BFSP2: variants seen among roughly 807,000 people sequenced by gnomAD.
BFSP2 encodes phakinin.
Under a neutral mutation model 44.9 loss-of-function variants are expected in BFSP2, and 38 were observed. That is an observed-to-expected ratio of 0.85 (90% CI 0.65 to 1.11). The LOEUF (loss-of-function observed/expected upper bound fraction) is 1.11, where lower values mean the gene tolerates loss of function less well. BFSP2 is among the 50% of genes least tolerant of loss of function. The pLI is 0.00. For synonymous variants in BFSP2, 197 were observed against 209.9 expected, an observed-to-expected ratio of 0.94 and a Z score of 0.53; for missense variants, 525 against 533.0, an observed-to-expected ratio of 0.99 and a Z score of 0.15.
chr3:133,454,430 C>G (rs961269358), intron 4 of BFSP2, among the ~76,000 whole-genome samples: 1 of 152,200 alleles, frequency 6.6e-6, no homozygotes, highest in African/African-American at 2.4e-5. Flanking sequence ...CAAACACCAA[C>G]TGAGTGTCCT....
intron 4 of BFSP2, among the ~76,000 whole-genome samples, chr3:133,463,422 G>C (rs920238077): frequency 5.3e-5 from 8 of 152,216 alleles, no homozygotes; most frequent in Admixed American, 2.0e-4. Context: ...CTTTTGACTT[G>C]GGGATTTATA....
chr3:133,467,304 G>C (rs2859683), intron 5 of BFSP2, among the ~76,000 whole-genome samples: 133,008 of 152,256 alleles, frequency 0.87, 58,310 homozygotes, highest in East Asian at 0.91. Flanking sequence ...TGCCCCCCAA[G>C]GCTCAGCCAG....
chr3:133,472,952 T>C (rs961962917), intron 6 of BFSP2, among the ~76,000 whole-genome samples: 1 of 132,938 alleles, frequency 7.5e-6, no homozygotes, highest in Admixed American at 7.2e-5. Flanking sequence ...CCTGCGCATC[T>C]TTTTTTTTTT....
intron 1 of BFSP2, among the ~76,000 whole-genome samples, chr3:133,425,985 CAGGGCAGGGCAGGGCAGGGAAAGGAAGGG>C (rs2073649800): frequency 6.4e-3 from 7 of 1,102 alleles, no homozygotes; most frequent in African/African-American, 0.015. Context: ...GAGGGGAAGG[CAGGGCAGGGCAGGGCAGGGAAAGGAAGGG>C]AAGGGAAGGG....
chr3:133,437,133 G>T (rs899222471), intron 1 of BFSP2, among the ~76,000 whole-genome samples: 1 of 152,168 alleles, frequency 6.6e-6, no homozygotes, highest in Non-Finnish European at 1.5e-5. Context: ...TAATGGGATG[G>T]CTGGGTCAAA....
intron 4 of BFSP2, among the ~76,000 whole-genome samples, chr3:133,453,906 C>T (rs77890488): frequency 0.028 from 4,277 of 152,336 alleles, 126 homozygotes; most frequent in South Asian, 0.09. Context: ...GTGCAGTATT[C>T]ATATTCTTTC....
At chr3:133,451,202 C>T (rs2073962222) in intron 4 of BFSP2, among the ~76,000 whole-genome samples, 1 of 150,284 alleles carries the variant, frequency 6.7e-6, no homozygotes, top group African/African-American at 2.4e-5. Flanking sequence ...AAAAAACATA[C>T]ACATTTACTA....
chr3:133,425,780 A>AAAGGGAAGGGAAGGGAAGGGAAG (rs1437928351), intron 1 of BFSP2, among the ~76,000 whole-genome samples: 1 of 107,760 alleles, frequency 9.3e-6, no homozygotes, highest in African/African-American at 6.4e-5. Context: ...AGGGAAAGGG[A>AAAGGGAAGGGAAGGGAAGGGAAG]AAGGGAAGGG....
intron 1 of BFSP2, among the ~76,000 whole-genome samples, chr3:133,425,895 G>C (rs892043975): frequency 9.3e-6 from 1 of 107,992 alleles, no homozygotes; most frequent in African/African-American, 3.3e-5. Context: ...GGGAAGGCAA[G>C]GGAAATAAGA....
At chr3:133,435,895 G>C (rs2073776468) in intron 1 of BFSP2, among the ~76,000 whole-genome samples, 1 of 152,058 alleles carries the variant, frequency 6.6e-6, no homozygotes, top group South Asian at 2.1e-4. Flanking sequence ...TTCTACTCAA[G>C]CTTCACCACA....
At chr3:133,407,807 T>A (rs1437637323) in intron 1 of BFSP2, among the ~76,000 whole-genome samples, 1 of 152,176 alleles carries the variant, frequency 6.6e-6, no homozygotes, top group Non-Finnish European at 1.5e-5. Flanking sequence ...ATAAGTGATA[T>A]TCAGACAACT....
intron 1 of BFSP2, among the ~76,000 whole-genome samples, chr3:133,406,322 G>C (rs1280873652): frequency 1.3e-5 from 2 of 152,142 alleles, no homozygotes; most frequent in African/African-American, 2.4e-5. Flanking sequence ...GAAAGCAAGA[G>C]AACTGCTAAA....
chr3:133,443,106 C>A (rs1037686752), intron 1 of BFSP2, among the ~76,000 whole-genome samples: 1 of 152,126 alleles, frequency 6.6e-6, no homozygotes, highest in Non-Finnish European at 1.5e-5. Context: ...GTAATCCACC[C>A]ACCTCAGCCT....
chr3:133,416,173 A>C, intron 1 of BFSP2, among the ~76,000 whole-genome samples: 4 of 97,228 alleles, frequency 4.1e-5, no homozygotes, highest in Non-Finnish European at 4.0e-5. Flanking sequence ...TCTCCCCTCT[A>C]GTCAGCCCTG....
chr3:133,416,872 T>G (rs1576563488), intron 1 of BFSP2, among the ~76,000 whole-genome samples: 1 of 49,524 alleles, frequency 2.0e-5, no homozygotes, highest in Non-Finnish European at 3.7e-5. Context: ...CCCCGCCCCC[T>G]CTGCTCTACT....
intron 1 of BFSP2, among the ~76,000 whole-genome samples, chr3:133,413,021 A>G (rs925480392): frequency 5.9e-5 from 9 of 152,098 alleles, no homozygotes; most frequent in Non-Finnish European, 1.2e-4. Flanking sequence ...TGTTTCTTAG[A>G]AAGTGGAGGG....
chr3:133,463,573 A>C (rs6770037), intron 4 of BFSP2, among the ~76,000 whole-genome samples: 1 of 152,230 alleles, frequency 6.6e-6, no homozygotes, highest in Non-Finnish European at 1.5e-5. Context: ...CTGCTCATTT[A>C]AGGCATTCTT....
Position 133,450,305 on chromosome 3 carries a change from T to C in BFSP2, c.732T>C (p.Asp244=), listed in dbSNP as rs1307042469. The change falls in exon 4 of 7, where the codon GAT becomes GAC. Residue 244 remains aspartate (D), a splice_region_variant and synonymous_variant. Transcript: ENST00000302334. The part of the protein sequence containing the change: ...LGSLSRNYEE[D]VKLLHKQLAG... ...AAGATGTATATTGTTGTTTTCAGGA[T>C]GTGAAGCTGCTGCACAAACAGTTGG... 15 of 1,614,048 alleles carry C rather than the reference T, an allele frequency of 9.3e-6. No individual in the cohort carries two copies. In the South Asian group the frequency reaches 1.5e-4, roughly 17 times the overall value.
At chr3:133,414,431 A>C (rs1576560480) in intron 1 of BFSP2, among the ~76,000 whole-genome samples, 2 of 34,580 alleles carry the variant, frequency 5.8e-5, no homozygotes. Flanking sequence ...TTACCCCTAT[A>C]CTCACCCCTG....
Sources: allele counts gnomAD v4.1 joint callset (sites outside exome capture counted in the v4.1 genomes callset), GRCh38; gene constraint gnomAD v4.1.1; transcripts MANE v1.5; gene names NCBI Gene and HGNC (gene_info 2026-07-23, HGNC 2026-07-21).